The following CORO2A variants were observed in gnomAD, a reference collection of about 807,000 sequenced individuals.
CORO2A encodes coronin 2A.
A neutral mutation model predicts 62.4 loss-of-function variants in CORO2A; 47 were observed. The observed-to-expected ratio is 0.75, with a 90% CI of 0.60 to 0.96. The LOEUF (loss-of-function observed/expected upper bound fraction) is 0.96, where lower values mean the gene tolerates loss of function less well. Ranked by LOEUF, CORO2A falls within the 40% of genes least tolerant of loss-of-function variation. CORO2A has a pLI of 0.00. For synonymous variants in CORO2A, 273 were observed against 268.9 expected, an observed-to-expected ratio of 1.02 and a Z score of -0.15; for missense variants, 610 against 684.1, an observed-to-expected ratio of 0.89 and a Z score of 1.21.
At chr9:98,136,986 C>T (rs530300064) in intron 3 of CORO2A, among the ~76,000 whole-genome samples, 53 of 152,302 alleles carry the variant, frequency 3.5e-4, no homozygotes, top group African/African-American at 1.3e-3. Flanking sequence ...CTGAACCTGG[C>T]ATATCTGTGG....
At chr9:98,188,267 G>GC (rs1412456506) in intron 1 of CORO2A, among the ~76,000 whole-genome samples, 1 of 151,856 alleles carries the variant, frequency 6.6e-6, no homozygotes, top group Non-Finnish European at 1.5e-5. Flanking sequence ...AGTTAAAACT[G>GC]CCCCCTCACA....
intron 1 of CORO2A, among the ~76,000 whole-genome samples, chr9:98,185,464 TC>T (rs1039770688): frequency 1.3e-5 from 2 of 152,240 alleles, no homozygotes; most frequent in African/African-American, 4.8e-5. Flanking sequence ...GGGTCAGCTC[TC>T]CTTCTTCAGA....
intron 1 of CORO2A, among the ~76,000 whole-genome samples, chr9:98,173,457 C>G (rs1828066237): frequency 6.6e-6 from 1 of 152,192 alleles, no homozygotes; most frequent in Non-Finnish European, 1.5e-5. Flanking sequence ...GCAGGAACTC[C>G]TGTCCAAAAT....
At chr9:98,147,423 A>G (rs540036713) in intron 2 of CORO2A, among the ~76,000 whole-genome samples, 1 of 152,324 alleles carries the variant, frequency 6.6e-6, no homozygotes, top group East Asian at 1.9e-4. Context: ...CAAGAGGGCA[A>G]ACTTGATAAT....
chr9:98,141,654 G>A (rs1827570846), intron 2 of CORO2A, among the ~76,000 whole-genome samples: 1 of 152,098 alleles, frequency 6.6e-6, no homozygotes, highest in African/African-American at 2.4e-5. Flanking sequence ...GCGCCCAGCT[G>A]CCAATGACCT....
intron 1 of CORO2A, among the ~76,000 whole-genome samples, chr9:98,175,796 G>C (rs935312976): frequency 2.0e-5 from 3 of 152,172 alleles, no homozygotes; most frequent in African/African-American, 7.2e-5. Context: ...CTTGGCCTTG[G>C]GTTTTCTCAT....
intron 1 of CORO2A, among the ~76,000 whole-genome samples, chr9:98,162,911 G>C (rs1652280512): frequency 6.6e-6 from 1 of 152,216 alleles, no homozygotes; most frequent in Non-Finnish European, 1.5e-5. Flanking sequence ...GGCTGGGCCA[G>C]AACAGCCGAT....
intron 1 of CORO2A, among the ~76,000 whole-genome samples, chr9:98,160,986 A>C (rs555490879): frequency 1.3e-5 from 2 of 152,352 alleles, no homozygotes; most frequent in Admixed American, 1.3e-4. Flanking sequence ...TCTATAAGGT[A>C]GTTGGTCCCT....
Position 98,133,087 on chromosome 9 carries a change from T to C in CORO2A, c.599A>G (p.Lys200Arg), listed in dbSNP as rs148208416. ...GTCAATAACCCGAATCTTGCGGTCT[T>C]TGCAGGTGGTGGCCAACAGGCTGCC... is the stretch of plus-strand genomic sequence containing the variant. Reference protein sequence around the residue: ...TNGSLLATTCKDRKIRVIDPR... With the variant: ...TNGSLLATTCRDRKIRVIDPR... Residue 200 changes from lysine to arginine, a missense_variant, in exon 5 of 12, where the codon AAA becomes AGA. Physicochemically the swap from Lys to Arg is conservative, Grantham distance 26. Coordinates refer to ENST00000375077, the MANE Select transcript of CORO2A (RefSeq NM_052820.4). 3.5e-4 allele frequency: 560 copies of C among 1,614,212 alleles called. 1 individual carries two copies. Among genetic ancestry groups the C allele is most frequent in the Non-Finnish European group, 4.5e-4 (530 of 1,180,028 alleles).
intron 1 of CORO2A, among the ~76,000 whole-genome samples, chr9:98,174,218 G>A (rs1828079634): frequency 6.6e-6 from 1 of 151,436 alleles, no homozygotes; most frequent in Non-Finnish European, 1.5e-5. Flanking sequence ...GTGGGCCAAG[G>A]CAAGCATTTG....
At chr9:98,131,656 A>G (rs116072035) in intron 6 of CORO2A, among the ~76,000 whole-genome samples, 1,700 of 152,126 alleles carry the variant, frequency 0.011, 27 homozygotes, top group African/African-American at 0.038. Context: ...TCTCATTCCA[A>G]TCTTCCCCTA....
intron 1 of CORO2A, among the ~76,000 whole-genome samples, chr9:98,191,140 C>T (rs990315117): frequency 5.9e-5 from 9 of 152,212 alleles, no homozygotes; most frequent in Admixed American, 5.2e-4. Flanking sequence ...GAAGTGATTC[C>T]TAGAAACTGC....
At chr9:98,128,789 GC>G in intron 8 of CORO2A, 70 bp from the exon 9 acceptor site, 2 of 1,261,382 alleles carry the variant, frequency 1.6e-6, no homozygotes, top group Non-Finnish European at 2.3e-6. Flanking sequence ...CCAAAGCCAG[GC>G]TGCACACCTG....
chr9:98,185,786 T>C (rs1204737233), intron 1 of CORO2A, among the ~76,000 whole-genome samples: 1 of 152,214 alleles, frequency 6.6e-6, no homozygotes, highest in African/African-American at 2.4e-5. Context: ...TGATGCCATT[T>C]TGCAGGTGGG....
At chr9:98,181,746 T>C (rs1828180560) in intron 1 of CORO2A, among the ~76,000 whole-genome samples, 1 of 152,092 alleles carries the variant, frequency 6.6e-6, no homozygotes, top group Non-Finnish European at 1.5e-5. Flanking sequence ...CTACTCATCT[T>C]TCAGATCTCA....
intron 1 of CORO2A, among the ~76,000 whole-genome samples, chr9:98,188,773 A>AAAC (rs199683215): frequency 3.9e-5 from 6 of 152,168 alleles, no homozygotes; most frequent in East Asian, 3.8e-4. Flanking sequence ...CTGTCTCAGA[A>AAAC]AACAACAACA....
chr9:98,171,116 C>A (rs759000152), intron 1 of CORO2A, among the ~76,000 whole-genome samples: 17 of 152,232 alleles, frequency 1.1e-4, no homozygotes, highest in Non-Finnish European at 2.4e-4. Context: ...TCCAAGACAC[C>A]TCCAGGAGGC....
At chr9:98,164,219 TTAATCAGGATAAAGAACGCTC>T (rs1284249574) in intron 1 of CORO2A, among the ~76,000 whole-genome samples, 1 of 152,164 alleles carries the variant, frequency 6.6e-6, no homozygotes, top group African/African-American at 2.4e-5. Flanking sequence ...GAGGTTACTG[TTAATCAGGATAAAGAACGCTC>T]TATGTGAAGG....
At chr9:98,145,189 C>T (rs1468136476) in intron 2 of CORO2A, among the ~76,000 whole-genome samples, 1 of 152,202 alleles carries the variant, frequency 6.6e-6, no homozygotes, top group Non-Finnish European at 1.5e-5. Context: ...CACTTGGTCA[C>T]CTGTGGGGAC....
Sources: gnomAD v4.1 joint callset for allele counts (sites outside exome capture counted in the v4.1 genomes callset) on GRCh38, gnomAD v4.1.1 for gene constraint, MANE v1.5 for transcripts, NCBI Gene and HGNC (gene_info 2026-07-23, HGNC 2026-07-21) for gene names.